Variants in NCAM2 observed in about 807,000 individuals in gnomAD.
NCAM2 encodes neural cell adhesion molecule 2.
Under a neutral mutation model 98.1 loss-of-function variants are expected in NCAM2, and 30 were observed. The ratio of observed to expected loss-of-function variants is 0.31; its 90% CI spans 0.23 to 0.41. The LOEUF (loss-of-function observed/expected upper bound fraction) is 0.41, where lower values mean the gene tolerates loss of function less well. Among genes scored for constraint, NCAM2 ranks in the 10% least tolerant of loss-of-function variants. The pLI is 1.00. For missense variants in NCAM2, 867 were observed against 1,005.8 expected, an observed-to-expected ratio of 0.86 and a Z score of 1.87; for synonymous variants, 368 against 342.4, an observed-to-expected ratio of 1.07 and a Z score of -0.83.
At chr21:21,480,711 C>T (rs931601576) in intron 15 of NCAM2, among the ~76,000 whole-genome samples, 11 of 152,194 alleles carry the variant, frequency 7.2e-5, no homozygotes, top group Admixed American at 4.6e-4. Flanking sequence ...ATTATTCTTT[C>T]TCTTATGGGT....
intron 8 of NCAM2, among the ~76,000 whole-genome samples, chr21:21,367,551 G>A (rs759800421): frequency 2.0e-5 from 3 of 151,842 alleles, no homozygotes; most frequent in Non-Finnish European, 1.5e-5. Context: ...ATAGAGTATG[G>A]GAAAGTTATT....
intron 1 of NCAM2, among the ~76,000 whole-genome samples, chr21:21,167,639 G>A (rs906997515): frequency 1.3e-5 from 2 of 151,988 alleles, no homozygotes; most frequent in Non-Finnish European, 2.9e-5. Flanking sequence ...TGAAAGTGGA[G>A]GCATCACTAC....
chr21:21,218,619 A>T (rs969893553), intron 1 of NCAM2, among the ~76,000 whole-genome samples: 25 of 152,208 alleles, frequency 1.6e-4, no homozygotes, highest in African/African-American at 6.0e-4. Context: ...ATAACTATGG[A>T]AGAAAGGCAG....
At chr21:21,081,245 A>G (rs763111752) in intron 1 of NCAM2, among the ~76,000 whole-genome samples, 7 of 152,134 alleles carry the variant, frequency 4.6e-5, no homozygotes, top group Non-Finnish European at 1.0e-4. Flanking sequence ...TTGCTTCTTA[A>G]TGCACATGCT....
At chr21:21,290,350 A>G (rs1266611786) in intron 4 of NCAM2, among the ~76,000 whole-genome samples, 1 of 151,930 alleles carries the variant, frequency 6.6e-6, no homozygotes, top group East Asian at 1.9e-4. Context: ...AAATTTCTGA[A>G]CACACACTTT....
chr21:21,384,209 G>A (rs2076215739), intron 9 of NCAM2, among the ~76,000 whole-genome samples: 1 of 151,860 alleles, frequency 6.6e-6, no homozygotes, highest in Admixed American at 6.6e-5. Context: ...TTCACATAAA[G>A]CAAAAGAAAA....
intron 1 of NCAM2, among the ~76,000 whole-genome samples, chr21:21,221,888 C>A (rs973633758): frequency 4.6e-5 from 7 of 152,076 alleles, no homozygotes; most frequent in Non-Finnish European, 8.8e-5. Flanking sequence ...TTCATAGCTA[C>A]AGAGAAGTAA....
At chr21:21,272,528 A>G (rs2072552839) in intron 1 of NCAM2, among the ~76,000 whole-genome samples, 2 of 151,348 alleles carry the variant, frequency 1.3e-5, no homozygotes, top group African/African-American at 2.4e-5. Context: ...ACACACACAC[A>G]CACACTTCCT....
At chr21:21,489,193 C>T (rs1986644342) in intron 15 of NCAM2, among the ~76,000 whole-genome samples, 1 of 151,986 alleles carries the variant, frequency 6.6e-6, no homozygotes, top group East Asian at 1.9e-4. Context: ...CAGGGTTTCA[C>T]CATGTTGGCC....
At chr21:21,411,212 A>T (rs2076880641) in intron 10 of NCAM2, among the ~76,000 whole-genome samples, 1 of 138,946 alleles carries the variant, frequency 7.2e-6, no homozygotes, top group South Asian at 2.3e-4. Context: ...AGGGATAAAA[A>T]TTTTTCCATA....
At chr21:21,142,451 T>C (rs1398282988) in intron 1 of NCAM2, among the ~76,000 whole-genome samples, 1 of 136,002 alleles carries the variant, frequency 7.4e-6, no homozygotes, top group African/African-American at 2.7e-5. Flanking sequence ...CAATCTCGGC[T>C]CACTGCAAGC....
chr21:21,519,637 G>A (rs867789877), intron 16 of NCAM2, among the ~76,000 whole-genome samples: 3 of 152,126 alleles, frequency 2.0e-5, no homozygotes, highest in Middle Eastern at 3.4e-3. Context: ...AAGGAATTGG[G>A]AAAATGAAAA....
chr21:21,263,660 A>G, intron 1 of NCAM2, among the ~76,000 whole-genome samples: 1 of 152,178 alleles, frequency 6.6e-6, no homozygotes, highest in East Asian at 1.9e-4. Flanking sequence ...AAAAATAGAT[A>G]CATAGATCAA....
intron 9 of NCAM2, among the ~76,000 whole-genome samples, chr21:21,409,035 A>C: frequency 6.9e-6 from 1 of 145,900 alleles, no homozygotes; most frequent in East Asian, 1.9e-4. Context: ...ATAATTTTTG[A>C]TGTGATATTA....
Position 21,373,864 on chromosome 21 carries a change from G to A in NCAM2, c.1046G>A (p.Ser349Asn), listed in dbSNP as rs1452720475. 6.2e-7 allele frequency: 1 copy of A among 1,605,180 alleles called. No individual in the cohort carries two copies. The highest frequency in any genetic ancestry group is 8.5e-7 in the Non-Finnish European group (1 of 1,175,716). The stretch of plus-strand genomic sequence containing the variant: ...TTTTTCCTGAATCGATGTAAACAGA[G>A]CCTGGACGGCCGTATCGAAGTCAAA... ...DGFTFTEGDK[S>N]LDGRIEVKGQ... The change falls in exon 9 of 18, where the codon AGC becomes AAC. Residue 349 changes from serine to asparagine, a missense_variant and splice_region_variant. By Grantham distance (46) the Ser-to-Asn change is conservative (BLOSUM62 1). This residue lies in a region of NCAM2 where 447 missense variants were observed against 495.7 expected (regional missense o/e 0.90). Transcript: ENST00000400546.
intron 1 of NCAM2, among the ~76,000 whole-genome samples, chr21:21,048,179 T>C (rs2065036514): frequency 1.3e-5 from 2 of 152,180 alleles, no homozygotes; most frequent in African/African-American, 4.8e-5. Flanking sequence ...ATCTGAGAGC[T>C]TCCTCTGTAC....
At chr21:21,032,772 A>C (rs2064712448) in intron 1 of NCAM2, among the ~76,000 whole-genome samples, 1 of 152,174 alleles carries the variant, frequency 6.6e-6, no homozygotes, top group African/African-American at 2.4e-5. Flanking sequence ...GTTAAGGTAC[A>C]TTAATGGTTA....
intron 1 of NCAM2, among the ~76,000 whole-genome samples, chr21:21,088,298 G>A (rs758889193): frequency 1.3e-5 from 2 of 152,132 alleles, no homozygotes; most frequent in Non-Finnish European, 2.9e-5. Context: ...ATTAGGTTAT[G>A]CCATAATTGT....
chr21:21,313,917 A>G (rs945680437), intron 5 of NCAM2, among the ~76,000 whole-genome samples: 16 of 151,986 alleles, frequency 1.1e-4, no homozygotes, highest in African/African-American at 3.6e-4. Flanking sequence ...AATGTTTACC[A>G]TTTCAATTTG....
Sources: gnomAD v4.1 joint callset for allele counts (sites outside exome capture counted in the v4.1 genomes callset) on GRCh38, gnomAD v4.1.1 for gene constraint, gnomAD v4.1.1 regional missense constraint, MANE v1.5 for transcripts, NCBI Gene and HGNC (gene_info 2026-07-23, HGNC 2026-07-21) for gene names.